The following ACAD10 variants were observed in gnomAD, a reference collection of about 807,000 sequenced individuals.
ACAD10 encodes acyl-CoA dehydrogenase family member 10, also known as ACAD-10.
Under a neutral mutation model 116.8 loss-of-function variants are expected in ACAD10, and 112 were observed. That is an observed-to-expected ratio of 0.96 (90% confidence interval 0.82 to 1.12). The LOEUF is 1.12. Ranked by LOEUF, ACAD10 falls within the 50% of genes most tolerant of loss-of-function variation. The pLI is 0.00. For synonymous variants in ACAD10, 486 were observed against 510.6 expected, an observed-to-expected ratio of 0.95 and a Z score of 0.65; for missense variants, 1,259 against 1,350.2, an observed-to-expected ratio of 0.93 and a Z score of 1.06.
chr12:111,712,719 T>C, intron 6 of ACAD10, 62 bp downstream of exon 6: 1 of 1,557,918 alleles, frequency 6.4e-7, no homozygotes, highest in Non-Finnish European at 8.8e-7. Flanking sequence ...GGTCTGTTTC[T>C]CACTTTTCAA....
At chr12:111,710,246 C>T (rs531360509) in intron 5 of ACAD10, 3 of 452,014 alleles carry the variant, frequency 6.6e-6, no homozygotes, top group Admixed American at 4.7e-5. Context: ...CACCACCACA[C>T]CCGACTAATT....
intron 18 of ACAD10, among the ~76,000 whole-genome samples, chr12:111,751,251 T>G (rs1025576215): frequency 1.1e-4 from 16 of 152,162 alleles, no homozygotes; most frequent in African/African-American, 3.9e-4. Context: ...AGTGAGACTT[T>G]AAATGATGCT....
chr12:111,692,216 C>A (rs976341957), intron 1 of ACAD10, among the ~76,000 whole-genome samples: 2 of 152,224 alleles, frequency 1.3e-5, no homozygotes, highest in African/African-American at 4.8e-5. Context: ...GATCCACCCG[C>A]CTTGGCCTCC....
At chr12:111,751,796 T>A (rs1291926016) in intron 18 of ACAD10, among the ~76,000 whole-genome samples, 1 of 150,458 alleles carries the variant, frequency 6.6e-6, no homozygotes, top group African/African-American at 2.4e-5. Context: ...TGGTGGCTCA[T>A]ACCTGTAATT....
Position 111,714,065 on chromosome 12 carries a change from C to T in ACAD10, c.850+1408C>T, listed in dbSNP as rs1282971218. Among the ~76,000 whole-genome samples, 7 of 151,698 alleles carry T rather than the reference C, an allele frequency of 4.6e-5. No homozygotes were observed. The East Asian group carries it at 5.8e-4, about 13-fold the overall frequency. ...TTTGAGAGCAGCCTGGCCAATATGGCGAAACCCCATCTCTACTAAAAATAC... is the reference window on the plus strand; with the variant it reads ...TTTGAGAGCAGCCTGGCCAATATGGTGAAACCCCATCTCTACTAAAAATAC... On this transcript the variant is annotated intron_variant, in intron 6 of 20. Coordinates refer to ENST00000313698, the MANE Select transcript of ACAD10 (RefSeq NM_025247.6).
chr12:111,744,472 TG>T, intron 12 of ACAD10, 170 bp from the exon 13 acceptor site: 2 of 757,388 alleles, frequency 2.6e-6, no homozygotes, highest in Non-Finnish European at 4.2e-6. Flanking sequence ...TGAAAGCAGT[TG>T]TATTGCTTTG....
chr12:111,736,432 C>T (rs1889566673), intron 11 of ACAD10, among the ~76,000 whole-genome samples: 1 of 152,112 alleles, frequency 6.6e-6, no homozygotes. Flanking sequence ...CTCAGGTGAT[C>T]CACCTAACTC....
In ACAD10 at chr12:111,702,200, T is replaced by C. The variant is rs1438325977; in HGVS notation, c.226T>C (p.Leu76=). ...GAATCGTATCCCTTCTGGAACTATA[T>C]TAAAGGCCTTGATGGAAGGTGGTGA... is the stretch of plus-strand genomic sequence containing the variant. The part of the protein sequence containing the change: ...VQNRIPSGTI[L]KALMEGGENG... The change falls in exon 3 of 21, where the codon TTA becomes CTA. Residue 76 remains leucine, a synonymous_variant. Transcript: ENST00000313698. The C allele has an allele frequency of 1.9e-6, 3 of 1,614,148 alleles. No homozygotes were observed. The East Asian group carries it at 6.7e-5, about 36-fold the overall frequency.
intron 12 of ACAD10, among the ~76,000 whole-genome samples, chr12:111,740,416 G>A (rs189046139): frequency 7.3e-4 from 109 of 149,146 alleles, no homozygotes; most frequent in Non-Finnish European, 9.0e-4. Context: ...AGCAGAGATC[G>A]TGCCACTACA....
intron 8 of ACAD10, among the ~76,000 whole-genome samples, chr12:111,725,168 G>T (rs555315370): frequency 6.6e-6 from 1 of 151,044 alleles, no homozygotes; most frequent in African/African-American, 2.4e-5. Flanking sequence ...GATTTTTTTT[G>T]GCTGAACCTT....
At chr12:111,747,240 C>T in intron 15 of ACAD10, 54 bp downstream of exon 15, 1 of 1,611,944 alleles carries the variant, frequency 6.2e-7, no homozygotes, top group Non-Finnish European at 8.5e-7. Flanking sequence ...GTCGGCCCCA[C>T]AGGGAACACG....
At chr12:111,692,199 C>T (rs1202522357) in intron 1 of ACAD10, among the ~76,000 whole-genome samples, 1 of 152,180 alleles carries the variant, frequency 6.6e-6, no homozygotes, top group Non-Finnish European at 1.5e-5. Flanking sequence ...AACTCGCAAC[C>T]TCAGGTGATC....
At position 111,744,977 on chromosome 12, in the gene ACAD10, A is replaced by G; in HGVS notation, c.2049A>G (p.Pro683=). 5 of 1,614,164 alleles carry G rather than the reference A, an allele frequency of 3.1e-6. No individual in the cohort carries two copies. The highest frequency in any genetic ancestry group is 3.4e-6 in the Non-Finnish European group (4 of 1,180,046). Residue 683 remains proline (P), a synonymous_variant, in exon 13 of 21, where the codon CCA becomes CCG. Coordinates refer to ENST00000313698, the MANE Select transcript of ACAD10 (RefSeq NM_025247.6). ...AGCAACGTGTGTACCCTGCAGAGCC[A>G]GAGCTGCAGAGTCACCAGGCCTCAG... is the stretch of plus-strand genomic sequence containing the variant. ...FMEQRVYPAE[P]ELQSHQASAA...
rs777736973 is a variant in ACAD10 at position 111,692,706 on chromosome 12, C to T, written c.-4C>T. On this transcript the variant is annotated 5_prime_UTR_variant, in exon 2 of 21. Transcript: ENST00000313698. ...CCTTCTTCCCACACAGCCTCAGCCT[C>T]ACCATGTGTGTCAGGAGCTGTTTCC... 2 of 1,613,032 alleles carry T rather than the reference C, an allele frequency of 1.2e-6. No homozygotes were observed. The highest frequency in any genetic ancestry group is 1.7e-6 in the Non-Finnish European group (2 of 1,179,630).
chr12:111,709,497 T>C, intron 4 of ACAD10, 29 bp from the exon 5 acceptor site: 1 of 1,511,102 alleles, frequency 6.6e-7, no homozygotes, highest in Non-Finnish European at 8.9e-7. Context: ...TTTCGGGACA[T>C]TCATCTCTCA....
intron 8 of ACAD10, among the ~76,000 whole-genome samples, chr12:111,724,454 G>T (rs1399926951): frequency 6.6e-6 from 1 of 152,180 alleles, no homozygotes; most frequent in Non-Finnish European, 1.5e-5. Context: ...CAAGGCAGGC[G>T]GCTGGGAGGT....
chr12:111,747,628 T>G, intron 16 of ACAD10: 2 of 1,327,068 alleles, frequency 1.5e-6, no homozygotes, highest in Middle Eastern at 3.0e-4. Context: ...GACGGATGCC[T>G]CCCTGCACAT....
chr12:111,749,287 A>G lies in ACAD10; in HGVS notation c.2759A>G (p.His920Arg), dbSNP rs778645718. The stretch of plus-strand genomic sequence containing the variant: ...GGCAGACTGGGCCCCGGCAGGATCC[A>G]TCACTGCATGAGGCTGATCGGGTTC... The part of the protein sequence containing the change: ...AQGRLGPGRI[H>R]HCMRLIGFSE... The change falls in exon 18 of 21, where the codon CAT (histidine) becomes CGT (arginine). Residue 920 changes from histidine (H) to arginine (R), a missense_variant. Physicochemically the swap from His to Arg is conservative, Grantham distance 29 (BLOSUM62 0). Transcript: ENST00000313698. The G allele has an allele frequency of 5.6e-6, 9 of 1,614,048 alleles. No individual in the cohort carries two copies. Among genetic ancestry groups the G allele is most frequent in the South Asian group, 1.1e-5 (1 of 91,080 alleles).
At chr12:111,692,576 A>T in intron 1 of ACAD10, 121 bp from the exon 2 acceptor site, 1 of 971,168 alleles carries the variant, frequency 1.0e-6, no homozygotes. Flanking sequence ...TGTGGGTGTG[A>T]TTCGAAGTGC....
Sources: gnomAD v4.1 joint callset for allele counts (sites outside exome capture counted in the v4.1 genomes callset) on GRCh38, gnomAD v4.1.1 for gene constraint, MANE v1.5 for transcripts, NCBI Gene and HGNC (gene_info 2026-07-23, HGNC 2026-07-21) for gene names.